The following KHDRBS2 variants were observed in gnomAD, a reference collection of about 807,000 sequenced individuals.
KHDRBS2 encodes KH RNA binding domain containing, signal transduction associated 2, also known as KH domain-containing, RNA-binding, signal transduction-associated protein 2.
A neutral mutation model predicts 44.3 loss-of-function variants in KHDRBS2; 26 were observed. The ratio of observed to expected loss-of-function variants is 0.59; its 90% CI spans 0.43 to 0.81. The LOEUF is 0.81. KHDRBS2 is among the 40% of genes least tolerant of loss of function. The pLI, the probability that KHDRBS2 is intolerant of heterozygous loss-of-function variation, is 0.00. For synonymous variants in KHDRBS2, 194 were observed against 151.1 expected (o/e 1.28, Z -2.08); for missense variants, 476 against 433.1 (o/e 1.10, Z -0.88).
At chr6:61,840,562 T>A (rs768306797) in intron 6 of KHDRBS2, among the ~76,000 whole-genome samples, 1 of 152,112 alleles carries the variant, frequency 6.6e-6, no homozygotes, top group Admixed American at 6.6e-5. Context: ...AGTAGCTGAT[T>A]CTAACTAGCC....
intron 1 of KHDRBS2, among the ~76,000 whole-genome samples, chr6:62,272,817 GT>G (rs1185120843): frequency 6.6e-6 from 1 of 152,122 alleles, no homozygotes; most frequent in East Asian, 1.9e-4. Context: ...ATGTAGTTTT[GT>G]AAAAGGATGT....
intron 1 of KHDRBS2, among the ~76,000 whole-genome samples, chr6:62,264,443 CAGAA>C (rs1228938610): frequency 1.3e-5 from 2 of 151,660 alleles, no homozygotes; most frequent in African/African-American, 4.8e-5. Context: ...CCAATTTAAA[CAGAA>C]AGCCAGTTTG....
intron 2 of KHDRBS2, among the ~76,000 whole-genome samples, chr6:62,063,190 T>C (rs983980120): frequency 8.6e-5 from 10 of 116,260 alleles, no homozygotes; most frequent in African/African-American, 2.9e-4. Flanking sequence ...AGCCGAATTC[T>C]ACCAGAGGTA....
intron 4 of KHDRBS2, among the ~76,000 whole-genome samples, chr6:61,904,448 T>C (rs1212804336): frequency 2.0e-5 from 3 of 152,244 alleles, no homozygotes; most frequent in African/African-American, 7.2e-5. Flanking sequence ...TAGAGGGCTA[T>C]ACTTTGAGAA....
chr6:62,101,896 TA>T (rs1801983868), intron 2 of KHDRBS2, among the ~76,000 whole-genome samples: 1 of 152,298 alleles, frequency 6.6e-6, no homozygotes, highest in Non-Finnish European at 1.5e-5. Flanking sequence ...ACAATTATAT[TA>T]ACATAACATG....
intron 2 of KHDRBS2, among the ~76,000 whole-genome samples, chr6:62,116,768 TC>T (rs978350608): frequency 2.0e-5 from 3 of 152,042 alleles, no homozygotes; most frequent in African/African-American, 7.2e-5. Context: ...TTCTGCGCCC[TC>T]CCACCCCTCT....
chr6:62,057,904 A>G (rs1790663341), intron 2 of KHDRBS2, among the ~76,000 whole-genome samples: 1 of 151,962 alleles, frequency 6.6e-6, no homozygotes, highest in African/African-American at 2.4e-5. Flanking sequence ...TGGCAAAACG[A>G]GTGATTATCA....
chr6:61,942,060 A>C (rs1812242663), intron 4 of KHDRBS2, among the ~76,000 whole-genome samples: 1 of 151,992 alleles, frequency 6.6e-6, no homozygotes, highest in African/African-American at 2.4e-5. Flanking sequence ...TCCTGGGCTC[A>C]ATCAATCCTT....
intron 2 of KHDRBS2, among the ~76,000 whole-genome samples, chr6:62,059,812 A>G (rs1791301341): frequency 6.6e-6 from 1 of 151,846 alleles, no homozygotes; most frequent in Non-Finnish European, 1.5e-5. Context: ...AAACTTGAGG[A>G]ACACGTATAT....
intron 4 of KHDRBS2, among the ~76,000 whole-genome samples, chr6:61,973,764 G>A (rs1771917402): frequency 6.6e-6 from 1 of 151,962 alleles, no homozygotes; most frequent in South Asian, 2.1e-4. Flanking sequence ...AATCATTAAA[G>A]ACTTAAGCCT....
intron 7 of KHDRBS2, among the ~76,000 whole-genome samples, chr6:61,722,770 C>G (rs1261842346): frequency 9.9e-5 from 15 of 151,240 alleles, no homozygotes; most frequent in Non-Finnish European, 1.5e-5. Context: ...AGTACAGTGG[C>G]GCGATCTTGG....
At chr6:61,821,155 G>A (rs1330816567) in intron 6 of KHDRBS2, among the ~76,000 whole-genome samples, 1 of 151,868 alleles carries the variant, frequency 6.6e-6, no homozygotes, top group South Asian at 2.1e-4. Context: ...CACCCCTCAG[G>A]AACCTGAATA....
chr6:62,034,969 C>G (rs377684288), intron 3 of KHDRBS2, among the ~76,000 whole-genome samples: 42 of 151,902 alleles, frequency 2.8e-4, no homozygotes, highest in African/African-American at 8.9e-4. Flanking sequence ...GGCTTATATT[C>G]AGTAGTTGGG....
intron 6 of KHDRBS2, among the ~76,000 whole-genome samples, chr6:61,863,770 T>C (rs1169294912): frequency 6.6e-6 from 1 of 152,154 alleles, no homozygotes; most frequent in Non-Finnish European, 1.5e-5. Flanking sequence ...TGTTTCTGGG[T>C]GGAGAGTTCT....
At chr6:62,283,463 G>A (rs1036988449) in intron 1 of KHDRBS2, among the ~76,000 whole-genome samples, 13 of 152,112 alleles carry the variant, frequency 8.5e-5, no homozygotes, top group East Asian at 5.8e-4. Flanking sequence ...ATTAGCTTCC[G>A]GAAAATCATT....
chr6:62,161,737 AT>A (rs545765779), intron 2 of KHDRBS2, among the ~76,000 whole-genome samples: 3 of 150,936 alleles, frequency 2.0e-5, no homozygotes, highest in Non-Finnish European at 3.0e-5. Flanking sequence ...TGTTTAGTTC[AT>A]TTTTTTTGTA....
At chr6:62,043,264 T>C (rs1390470270) in intron 3 of KHDRBS2, among the ~76,000 whole-genome samples, 2 of 152,088 alleles carry the variant, frequency 1.3e-5, no homozygotes, top group East Asian at 3.9e-4. Flanking sequence ...TATCTGAAGC[T>C]ACAGTAAGTT....
At chr6:62,062,649 AG>A (rs1792283002) in intron 2 of KHDRBS2, among the ~76,000 whole-genome samples, 1 of 149,100 alleles carries the variant, frequency 6.7e-6, no homozygotes, top group African/African-American at 2.5e-5. Context: ...GGAAATTTAC[AG>A]CACTAAATGC....
chr6:61,986,500 T>A lies in KHDRBS2; in HGVS notation c.337-8288A>T, dbSNP rs536909442. Among the ~76,000 whole-genome samples, 3 of 152,316 alleles carry A rather than the reference T, an allele frequency of 2.0e-5. No homozygotes were observed. The South Asian group carries it at 6.2e-4, about 32-fold the overall frequency. On this transcript the variant is annotated intron_variant, in intron 3 of 8. Transcript: ENST00000281156. The stretch of plus-strand genomic sequence containing the variant: ...TATTAAGTTAATTTAAATGTATAAC[T>A]TTAAGGAAATGTATACTTGAAAATT...
Sources: allele counts gnomAD v4.1 joint callset (sites outside exome capture counted in the v4.1 genomes callset), GRCh38; gene constraint gnomAD v4.1.1; transcripts MANE v1.5; gene names NCBI Gene and HGNC (gene_info 2026-07-23, HGNC 2026-07-21).